The following KSR2 variants were observed in gnomAD, a reference collection of about 807,000 sequenced individuals.
The protein encoded by KSR2 is kinase suppressor of ras 2.
In KSR2, 25 loss-of-function variants were observed where a neutral mutation model predicts 107.8. The ratio of observed to expected loss-of-function variants is 0.23; its 90% confidence interval spans 0.17 to 0.32. KSR2 has a LOEUF of 0.32. Among genes scored for constraint, KSR2 ranks in the 10% least tolerant of loss-of-function variants. The pLI is 1.00. For missense variants in KSR2, 887 were observed against 1,268.9 expected (o/e 0.70, Z 4.57); for synonymous variants, 480 against 507.0 (o/e 0.95, Z 0.71).
At chr12:117,660,375 T>C (rs1593103134) in intron 5 of KSR2, among the ~76,000 whole-genome samples, 1 of 152,342 alleles carries the variant, frequency 6.6e-6, no homozygotes, top group Non-Finnish European at 1.5e-5. Context: ...GGAGAGCATG[T>C]CCTCATGAGT....
intron 6 of KSR2, among the ~76,000 whole-genome samples, chr12:117,581,715 G>C (rs1411967822): frequency 6.6e-6 from 1 of 152,170 alleles, no homozygotes; most frequent in Non-Finnish European, 1.5e-5. Context: ...TAAAAGGGCA[G>C]GTATAGCCCT....
At chr12:117,885,573 T>C (rs1310858849) in intron 1 of KSR2, among the ~76,000 whole-genome samples, 1 of 151,784 alleles carries the variant, frequency 6.6e-6, no homozygotes, top group Non-Finnish European at 1.5e-5. Flanking sequence ...ACATATGTAA[T>C]ATATACATAT....
intron 3 of KSR2, among the ~76,000 whole-genome samples, chr12:117,806,669 G>T (rs1891019256): frequency 6.6e-6 from 1 of 151,968 alleles, no homozygotes; most frequent in Admixed American, 6.6e-5. Flanking sequence ...CACTCCCCAT[G>T]TCCCCTCCTC....
intron 14 of KSR2, among the ~76,000 whole-genome samples, chr12:117,521,652 G>T (rs373809676): frequency 6.6e-6 from 1 of 152,158 alleles, no homozygotes; most frequent in Admixed American, 6.5e-5. Context: ...TGTTAACTTC[G>T]ATGATAATTA....
At chr12:117,730,672 C>T (rs1280417722) in intron 4 of KSR2, among the ~76,000 whole-genome samples, 8 of 152,192 alleles carry the variant, frequency 5.3e-5, no homozygotes, top group Non-Finnish European at 4.4e-5. Flanking sequence ...CCACGCCTGA[C>T]TGGTTTTTGT....
chr12:117,490,287 C>T (rs1350167693), intron 14 of KSR2, among the ~76,000 whole-genome samples: 1 of 152,208 alleles, frequency 6.6e-6, no homozygotes, highest in Admixed American at 6.5e-5. Flanking sequence ...CCAGCATTCA[C>T]TACTTGCTGG....
chr12:117,705,075 C>T (rs1334726446), intron 4 of KSR2, among the ~76,000 whole-genome samples: 1 of 152,024 alleles, frequency 6.6e-6, no homozygotes, highest in Non-Finnish European at 1.5e-5. Flanking sequence ...GCTAGGCAGG[C>T]CAGGGCCTGC....
rs150635744 is a variant in KSR2 at position 117,865,704 on chromosome 12, G to A, written c.181-5273C>T. The stretch of plus-strand genomic sequence containing the variant: ...TAATATCAACTTGGAAGCCAGTGAC[G>A]TCATGCCTCGTGCCTTTAAAAAAGT... On this transcript the variant is annotated intron_variant, in intron 1 of 19. Coordinates refer to ENST00000339824, the MANE Select transcript of KSR2 (RefSeq NM_173598.6). Among the ~76,000 whole-genome samples the A allele has an allele frequency of 1.6e-3, 242 of 152,196 alleles. 2 individuals carry two copies. The highest frequency in any genetic ancestry group is 0.011 in the South Asian group (53 of 4,822).
chr12:117,638,117 G>A (rs1469713597), intron 5 of KSR2, among the ~76,000 whole-genome samples: 3 of 151,950 alleles, frequency 2.0e-5, no homozygotes, highest in Admixed American at 6.6e-5. Context: ...AGGACACACC[G>A]CTTTCTCATA....
At chr12:117,513,067 T>G (rs1874133753) in intron 14 of KSR2, among the ~76,000 whole-genome samples, 2 of 152,116 alleles carry the variant, frequency 1.3e-5, no homozygotes, top group Non-Finnish European at 2.9e-5. Flanking sequence ...GTGCTGTGTT[T>G]GAGTCTGGGG....
chr12:117,582,236 C>T (rs909939831), intron 6 of KSR2, 54 bp downstream of exon 6: 3 of 1,492,434 alleles, frequency 2.0e-6, no homozygotes, highest in African/African-American at 2.7e-5. Flanking sequence ...CCAGAGCCCC[C>T]ACCCCTCACA....
At position 117,962,174 on chromosome 12, in the gene KSR2, A is replaced by T. The variant is rs563629876; in HGVS notation, c.180+5902T>A. Reference sequence around the variant, plus strand: ...AAAAAAAAAAAAAAAAAAAAGCTACAATACCCTTGCTATACAAGGAGATTC... The same window carrying T: ...AAAAAAAAAAAAAAAAAAAAGCTACTATACCCTTGCTATACAAGGAGATTC... On this transcript the variant is annotated intron_variant, in intron 1 of 19. Coordinates refer to ENST00000339824, the MANE Select transcript of KSR2 (RefSeq NM_173598.6). Among the ~76,000 whole-genome samples, 71 of 151,366 alleles carry T rather than the reference A, an allele frequency of 4.7e-4. No individual in the cohort carries two copies. The South Asian group carries it at 9.2e-3, about 20-fold the overall frequency.
intron 5 of KSR2, among the ~76,000 whole-genome samples, chr12:117,595,780 A>T (rs1880608911): frequency 6.6e-6 from 1 of 152,204 alleles, no homozygotes; most frequent in African/African-American, 2.4e-5. Context: ...ATCTCCTAGT[A>T]GGCCTGTCCC....
intron 10 of KSR2, among the ~76,000 whole-genome samples, chr12:117,535,398 G>A (rs762064517): frequency 6.6e-6 from 1 of 152,148 alleles, no homozygotes; most frequent in Non-Finnish European, 1.5e-5. Context: ...CACTTAACAA[G>A]TGAGTATGTA....
intron 1 of KSR2, among the ~76,000 whole-genome samples, chr12:117,873,063 T>C (rs978653523): frequency 9.2e-5 from 14 of 152,076 alleles, no homozygotes; most frequent in Non-Finnish European, 1.8e-4. Flanking sequence ...TAAAAAGCCA[T>C]GTGCCCGCCA....
At chr12:117,478,413 AC>A (rs1408540199) in intron 16 of KSR2, among the ~76,000 whole-genome samples, 6 of 151,704 alleles carry the variant, frequency 4.0e-5, no homozygotes, top group Admixed American at 3.9e-4. Context: ...GAAGAACTAA[AC>A]TTTTCATTTT....
chr12:117,849,378 T>C (rs558168218), intron 3 of KSR2, among the ~76,000 whole-genome samples: 86 of 152,296 alleles, frequency 5.6e-4, no homozygotes, highest in Middle Eastern at 6.8e-3. Context: ...GAAGAGCACC[T>C]GGCATAGAAT....
At chr12:117,725,027 G>C (rs74481143) in intron 4 of KSR2, among the ~76,000 whole-genome samples, 10,670 of 151,140 alleles carry the variant, frequency 0.071, 1,207 homozygotes, top group African/African-American at 0.24. Flanking sequence ...GGATGCTCAG[G>C]GCAGGCATCT....
intron 1 of KSR2, among the ~76,000 whole-genome samples, chr12:117,901,011 T>C (rs1894664935): frequency 6.6e-6 from 1 of 152,182 alleles, no homozygotes; most frequent in African/African-American, 2.4e-5. Context: ...GGCATAATAA[T>C]TTCGGCATCA....
Sources: gnomAD v4.1 joint callset for allele counts (sites outside exome capture counted in the v4.1 genomes callset) on GRCh38, gnomAD v4.1.1 for gene constraint, MANE v1.5 for transcripts, NCBI Gene and HGNC (gene_info 2026-07-23, HGNC 2026-07-21) for gene names.